The following TRRAP variants were observed in gnomAD, a reference collection of about 807,000 sequenced individuals.
TRRAP encodes the protein transformation/transcription domain associated protein, also known as transformation/transcription domain-associated protein.
TRRAP carries 41 observed loss-of-function variants against 438.8 expected under a neutral mutation model. That is an observed-to-expected ratio of 0.09 (90% CI 0.07 to 0.12). TRRAP has a LOEUF of 0.12. Among genes scored for constraint, TRRAP ranks in the 10% least tolerant of loss-of-function variants. The pLI is 1.00. For synonymous variants in TRRAP, 1,994 were observed against 1,962.9 expected, an observed-to-expected ratio of 1.02 and a Z score of -0.42; for missense variants, 3,122 against 5,055.1, an observed-to-expected ratio of 0.62 and a Z score of 11.60.
chr7:98,965,690 G>A lies in TRRAP; in HGVS notation c.6977-6G>A, dbSNP rs766619166. On this transcript the variant is annotated splice_region_variant and splice_polypyrimidine_tract_variant and intron_variant, in intron 48 of 72. Coordinates refer to ENST00000456197, the MANE Select transcript of TRRAP (RefSeq NM_001375524.1). ...CCGTGGGTTTGTTCTTAATTGGGGC[G>A]AGCAGGTACAAGCGAGCTGGTGATG... 3.1e-6 allele frequency: 5 copies of A among 1,613,940 alleles called. No individual in the cohort carries two copies. The South Asian group carries it at 3.3e-5, about 11-fold the overall frequency.
At chr7:98,897,096 A>G (rs1447723071) in intron 7 of TRRAP, among the ~76,000 whole-genome samples, 1 of 152,122 alleles carries the variant, frequency 6.6e-6, no homozygotes, top group Admixed American at 6.6e-5. Context: ...TTAGCCAAGC[A>G]TGGTGGTGCG....
rs10215494 is a variant in TRRAP, at chr7:98,910,951, G to A, written c.1813-126G>A. The A allele has an allele frequency of 0.046, 34,625 of 757,516 alleles. 7,101 individuals carry two copies. In the African/African-American group the frequency reaches 0.5, roughly 11 times the overall value. 46.9% of individuals were successfully genotyped at this position (757,516 alleles called of 1,614,324 possible). A position where few individuals can be genotyped will look rare whatever the true frequency, so the allele number is the denominator to read the frequency against. On this transcript the variant is annotated intron_variant, in intron 16 of 72. Transcript: ENST00000456197. ...AAAGGAGAATTTAAAAGGTTTTGGA[G>A]GGGGACATTTGTTATCTAATTTAAG...
chr7:98,976,286 A>G lies in TRRAP; in HGVS notation c.7959+18A>G. ...AGCAGCATGTGAGTGTATCTTTAAA[A>G]TCCTGTTTTGGAAAATTGTAGTTTT... is the stretch of plus-strand genomic sequence containing the variant. On this transcript the variant is annotated intron_variant, in intron 54 of 72. Transcript: ENST00000456197. The surrounding 1 kb of genome is among the most constrained non-coding windows in gnomAD (Gnocchi z 4.6). 6.2e-7 allele frequency: 1 copy of G among 1,612,740 alleles called. No individual in the cohort carries two copies. The highest frequency in any genetic ancestry group is 2.2e-5 in the East Asian group (1 of 44,842).
At chr7:99,009,349 C>T (rs968242705) in intron 70 of TRRAP, among the ~76,000 whole-genome samples, 1 of 152,140 alleles carries the variant, frequency 6.6e-6, no homozygotes, top group Non-Finnish European at 1.5e-5. Context: ...GGGACTTGTT[C>T]CAGTTCTCCT....
intron 40 of TRRAP, among the ~76,000 whole-genome samples, chr7:98,954,255 G>A (rs1404672714): frequency 6.6e-6 from 1 of 152,226 alleles, no homozygotes; most frequent in African/African-American, 2.4e-5. Flanking sequence ...CCGGGTTTGA[G>A]TGTTGTTTCT....
intron 53 of TRRAP, chr7:98,975,926 CCT>C (rs1792634148): frequency 1.9e-6 from 1 of 525,348 alleles, no homozygotes; most frequent in Admixed American, 3.6e-5. Context: ...CATTGCTGAG[CCT>C]CTCGGGATGC....
At chr7:98,904,822 G>A (rs184661461) in intron 12 of TRRAP, among the ~76,000 whole-genome samples, 1 of 152,282 alleles carries the variant, frequency 6.6e-6, no homozygotes, top group East Asian at 1.9e-4. Context: ...CAAAGTTTTG[G>A]TGGAAAGAAA....
rs1554419360 is a variant in TRRAP at position 98,955,312 on chromosome 7, G to A, written c.5937+8G>A. 1 of 1,600,006 alleles carries A rather than the reference G, an allele frequency of 6.2e-7. No homozygotes were observed. The highest frequency in any genetic ancestry group is 8.6e-7 in the Non-Finnish European group (1 of 1,168,884). On this transcript the variant is annotated splice_region_variant and intron_variant, in intron 41 of 72. Transcript: ENST00000456197. ...ATAGTGCAACACTTCAAGGTGTGTA[G>A]GAGGGACGGTGGGCTGCGGGGCGCG...
intron 56 of TRRAP, among the ~76,000 whole-genome samples, chr7:98,977,910 C>T (rs1792739144): frequency 6.6e-6 from 1 of 152,218 alleles, no homozygotes; most frequent in African/African-American, 2.4e-5. Context: ...GCATTTAGTG[C>T]TCCTGGAGAA....
At chr7:98,953,540 A>G (rs1791443676) in intron 40 of TRRAP, 107 bp downstream of exon 40, 1 of 1,464,008 alleles carries the variant, frequency 6.8e-7, no homozygotes, top group East Asian at 2.4e-5. Context: ...TCCCAAAACC[A>G]ATAAAAACCA....
chr7:99,006,916 A>C (rs745333018), intron 69 of TRRAP, among the ~76,000 whole-genome samples: 2 of 152,212 alleles, frequency 1.3e-5, no homozygotes, highest in Non-Finnish European at 2.9e-5. Flanking sequence ...GCTGCTCCCC[A>C]AGGTGACGTC....
intron 56 of TRRAP, among the ~76,000 whole-genome samples, chr7:98,977,336 A>G (rs1000141756): frequency 6.6e-6 from 1 of 152,070 alleles, no homozygotes; most frequent in Non-Finnish European, 1.5e-5. Context: ...TAATCTTTGT[A>G]TTTTTAGTAG....
chr7:98,882,456 G>A (rs1795495377), intron 3 of TRRAP, among the ~76,000 whole-genome samples: 2 of 150,548 alleles, frequency 1.3e-5, no homozygotes, highest in Non-Finnish European at 1.5e-5. Context: ...TCTGCCTTCC[G>A]GGTTCAAGCA....
At chr7:98,934,840 G>A (rs1189731556) in intron 27 of TRRAP, among the ~76,000 whole-genome samples, 1 of 152,162 alleles carries the variant, frequency 6.6e-6, no homozygotes, top group Admixed American at 6.5e-5. Flanking sequence ...TAGCAACAGT[G>A]GTTTCCTCTG....
intron 65 of TRRAP, among the ~76,000 whole-genome samples, chr7:98,992,440 T>G (rs1793467329): frequency 6.6e-6 from 1 of 152,236 alleles, no homozygotes; most frequent in Admixed American, 6.5e-5. Flanking sequence ...CGTTCATTTA[T>G]CCGAGTGATT....
intron 3 of TRRAP, among the ~76,000 whole-genome samples, chr7:98,888,582 C>G (rs1443759564): frequency 6.6e-6 from 1 of 152,192 alleles, no homozygotes; most frequent in Non-Finnish European, 1.5e-5. Flanking sequence ...GCTTCCTTCT[C>G]CATCATGCTG....
chr7:98,910,475 A>G (rs781918843), intron 15 of TRRAP, 35 bp from the exon 16 acceptor site: 1 of 1,613,692 alleles, frequency 6.2e-7, no homozygotes, highest in African/African-American at 1.3e-5. Context: ...AGTGAGTTTT[A>G]TTCAAGTTAA....
chr7:98,922,245 G>A (rs1323136510), intron 21 of TRRAP, among the ~76,000 whole-genome samples: 1 of 152,196 alleles, frequency 6.6e-6, no homozygotes, highest in Non-Finnish European at 1.5e-5. Context: ...GGCTTACTGA[G>A]AACCTGAGTT....
chr7:98,930,950 A>G, intron 25 of TRRAP, 120 bp downstream of exon 25: 2 of 1,303,596 alleles, frequency 1.5e-6, no homozygotes. Context: ...TTTGATACTC[A>G]GATTTCATTT....
Sources: gnomAD v4.1 joint callset for allele counts (sites outside exome capture counted in the v4.1 genomes callset) on GRCh38, gnomAD v4.1.1 for gene constraint, Gnocchi (gnomAD v3.1) non-coding constraint, MANE v1.5 for transcripts, NCBI Gene and HGNC (gene_info 2026-07-23, HGNC 2026-07-21) for gene names.